The following ADAMTS17 variants were observed in gnomAD, a reference collection of about 807,000 sequenced individuals.
ADAMTS17 encodes A disintegrin and metalloproteinase with thrombospondin motifs 17.
Under a neutral mutation model 141.5 loss-of-function variants are expected in ADAMTS17, and 113 were observed. The observed-to-expected ratio is 0.80, with a 90% CI of 0.69 to 0.93. The LOEUF (loss-of-function observed/expected upper bound fraction) is 0.93, where lower values mean the gene tolerates loss of function less well. Among genes scored for constraint, ADAMTS17 ranks in the 40% least tolerant of loss-of-function variants. The pLI is 0.00. For synonymous variants in ADAMTS17, 768 were observed against 630.6 expected (o/e 1.22, Z -3.27); for missense variants, 1,659 against 1,517.9 (o/e 1.09, Z -1.54).
intron 20 of ADAMTS17, among the ~76,000 whole-genome samples, chr15:99,977,851 A>G (rs898037623): frequency 2.0e-5 from 3 of 152,120 alleles, no homozygotes; most frequent in African/African-American, 7.2e-5. Flanking sequence ...TCTCCCTTAC[A>G]TTGGCCTCTT....
At chr15:100,341,445 G>A in intron 1 of ADAMTS17, 36 bp from the exon 2 acceptor site, 15 of 1,010,776 alleles carry the variant, frequency 1.5e-5, no homozygotes, top group Non-Finnish European at 1.7e-5. Flanking sequence ...GCGCGGCGGG[G>A]CCCGCCCGGA....
At chr15:100,094,671 T>C (rs941441607) in intron 15 of ADAMTS17, among the ~76,000 whole-genome samples, 1 of 152,200 alleles carries the variant, frequency 6.6e-6, no homozygotes, top group Non-Finnish European at 1.5e-5. Flanking sequence ...GTTCTCTTTA[T>C]GGGAGCTCAG....
chr15:100,213,903 CAA>C (rs1284669068), intron 7 of ADAMTS17, among the ~76,000 whole-genome samples: 1 of 152,208 alleles, frequency 6.6e-6, no homozygotes, highest in Admixed American at 6.5e-5. Flanking sequence ...GCCCCTATGT[CAA>C]AGTTATTAAA....
At chr15:100,320,725 C>T (rs941425363) in intron 3 of ADAMTS17, among the ~76,000 whole-genome samples, 9 of 151,906 alleles carry the variant, frequency 5.9e-5, no homozygotes, top group Non-Finnish European at 1.3e-4. Context: ...CCCAGCTACT[C>T]GAAAGGTTAA....
At chr15:100,323,378 T>C (rs1222799901) in intron 3 of ADAMTS17, among the ~76,000 whole-genome samples, 1 of 152,206 alleles carries the variant, frequency 6.6e-6, no homozygotes, top group Non-Finnish European at 1.5e-5. Context: ...TCTAAATTCT[T>C]ACCACTATAC....
At chr15:100,263,885 C>T (rs28510477) in intron 4 of ADAMTS17, among the ~76,000 whole-genome samples, 6,149 of 152,270 alleles carry the variant, frequency 0.04, 404 homozygotes, top group African/African-American at 0.14. Flanking sequence ...GCGTTAAGCA[C>T]GGTAGACAGC....
intron 4 of ADAMTS17, among the ~76,000 whole-genome samples, chr15:100,280,952 T>C (rs1173536661): frequency 2.6e-5 from 4 of 152,172 alleles, no homozygotes; most frequent in Non-Finnish European, 5.9e-5. Context: ...CTTATACTTT[T>C]GGGAAGGAAG....
chr15:99,974,191 C>G lies in ADAMTS17; in HGVS notation c.*211G>C, dbSNP rs1444229868. ...GAAGTTACTTTGTGACTCATGCCTACTTTCTCCTCACTGTAGAAAGCCAGC... is the reference window on the plus strand; with the variant it reads ...GAAGTTACTTTGTGACTCATGCCTAGTTTCTCCTCACTGTAGAAAGCCAGC... On this transcript the variant is annotated 3_prime_UTR_variant, in exon 22 of 22. Transcript: ENST00000268070. The G allele has an allele frequency of 1.6e-6, 1 of 622,466 alleles. No individual in the cohort carries two copies. Among genetic ancestry groups the G allele is most frequent in the Non-Finnish European group, 2.8e-6 (1 of 357,048 alleles). 38.6% of individuals were successfully genotyped at this position (622,466 alleles called of 1,614,324 possible). A position where few individuals can be genotyped will look rare whatever the true frequency, so the allele number is the denominator to read the frequency against.
chr15:100,095,337 C>G (rs1481186952), intron 15 of ADAMTS17, among the ~76,000 whole-genome samples: 2 of 152,198 alleles, frequency 1.3e-5, no homozygotes, highest in African/African-American at 2.4e-5. Context: ...AATGTTGGCG[C>G]AGTAGGCTGT....
At chr15:100,038,808 C>G (rs979172343) in intron 18 of ADAMTS17, among the ~76,000 whole-genome samples, 21 of 152,194 alleles carry the variant, frequency 1.4e-4, no homozygotes, top group African/African-American at 4.8e-4. Context: ...CATTTTATTT[C>G]ATTTACTTGG....
At chr15:100,323,943 C>T (rs1233982095) in intron 3 of ADAMTS17, among the ~76,000 whole-genome samples, 1 of 151,430 alleles carries the variant, frequency 6.6e-6, no homozygotes, top group East Asian at 1.9e-4. Context: ...CTGGTGGTTG[C>T]TTCCGGGGAA....
At chr15:100,159,013 C>T (rs147845587) in intron 8 of ADAMTS17, among the ~76,000 whole-genome samples, 78 of 152,144 alleles carry the variant, frequency 5.1e-4, no homozygotes, top group African/African-American at 1.8e-3. Flanking sequence ...CCCTGCATGG[C>T]GTTGGTAAGA....
chr15:100,116,765 C>A (rs1248857949), intron 13 of ADAMTS17, 82 bp downstream of exon 13: 2 of 1,593,128 alleles, frequency 1.3e-6, no homozygotes, highest in African/African-American at 2.7e-5. Context: ...GAAAGGGATG[C>A]CCCCCGGCTT....
intron 7 of ADAMTS17, among the ~76,000 whole-genome samples, chr15:100,230,676 G>T (rs2042452501): frequency 6.6e-6 from 1 of 152,232 alleles, no homozygotes; most frequent in African/African-American, 2.4e-5. Context: ...TGATCACTCA[G>T]CAAAAGCTTA....
intron 4 of ADAMTS17, among the ~76,000 whole-genome samples, chr15:100,278,672 C>T (rs1349912860): frequency 1.3e-5 from 2 of 152,108 alleles, no homozygotes; most frequent in South Asian, 2.1e-4. Context: ...AGGCATGTCC[C>T]GAAAGCCAGT....
chr15:100,340,894 G>C (rs882608), intron 2 of ADAMTS17, 145 bp downstream of exon 2: 2 of 1,277,414 alleles, frequency 1.6e-6, no homozygotes, highest in African/African-American at 3.0e-5. Flanking sequence ...GTGGGGGATG[G>C]GGAGAGGTGG....
At chr15:100,220,924 T>C (rs1413407127) in intron 7 of ADAMTS17, among the ~76,000 whole-genome samples, 1 of 152,242 alleles carries the variant, frequency 6.6e-6, no homozygotes, top group African/African-American at 2.4e-5. Flanking sequence ...TGATGGACAC[T>C]TGGGTAGTTT....
intron 3 of ADAMTS17, among the ~76,000 whole-genome samples, chr15:100,322,670 G>C (rs2045766159): frequency 6.6e-6 from 1 of 152,216 alleles, no homozygotes; most frequent in South Asian, 2.1e-4. Flanking sequence ...TTACCATAAT[G>C]CTCAAGGACT....
At chr15:100,021,866 C>G (rs568129056) in intron 18 of ADAMTS17, among the ~76,000 whole-genome samples, 3 of 152,058 alleles carry the variant, frequency 2.0e-5, no homozygotes, top group African/African-American at 7.2e-5. Context: ...TCTGCCTGCA[C>G]GCCCTCCTCA....
Sources: gnomAD v4.1 joint callset for allele counts (sites outside exome capture counted in the v4.1 genomes callset) on GRCh38, gnomAD v4.1.1 for gene constraint, MANE v1.5 for transcripts, NCBI Gene and HGNC (gene_info 2026-07-23, HGNC 2026-07-21) for gene names.